Variants in TTC7B observed in about 807,000 individuals in gnomAD.
TTC7B encodes tetratricopeptide repeat domain 7B.
Under a neutral mutation model 106.8 loss-of-function variants are expected in TTC7B, and 28 were observed. The ratio of observed to expected loss-of-function variants is 0.26; its 90% CI spans 0.19 to 0.36. TTC7B has a LOEUF of 0.36. TTC7B is among the 10% of genes least tolerant of loss of function. The pLI is 1.00. For synonymous variants in TTC7B, 405 were observed against 430.6 expected (o/e 0.94, Z 0.74); for missense variants, 862 against 1,076.4 (o/e 0.80, Z 2.79).
chr14:90,735,601 G>A (rs1427515564), intron 4 of TTC7B, among the ~76,000 whole-genome samples: 1 of 152,100 alleles, frequency 6.6e-6, no homozygotes, highest in Non-Finnish European at 1.5e-5. Context: ...GCTCACGCCT[G>A]TAATCTCAGC....
intron 16 of TTC7B, among the ~76,000 whole-genome samples, chr14:90,613,977 C>T (rs538179031): frequency 5.9e-5 from 9 of 152,334 alleles, no homozygotes; most frequent in East Asian, 1.9e-4. Flanking sequence ...AGGTTAAACA[C>T]GAGAGGCTTG....
intron 3 of TTC7B, among the ~76,000 whole-genome samples, chr14:90,776,756 T>C (rs1891043267): frequency 6.6e-6 from 1 of 152,282 alleles, no homozygotes; most frequent in Non-Finnish European, 1.5e-5. Flanking sequence ...GGTGTCAGAC[T>C]GAGACCCCAT....
intron 3 of TTC7B, among the ~76,000 whole-genome samples, chr14:90,755,404 C>G (rs1443139039): frequency 1.3e-5 from 2 of 152,156 alleles, no homozygotes; most frequent in Non-Finnish European, 2.9e-5. Flanking sequence ...CCCTAGTGTT[C>G]TGGGAGGTCA....
intron 5 of TTC7B, among the ~76,000 whole-genome samples, chr14:90,714,457 AT>A (rs36072608): frequency 0.23 from 29,458 of 129,174 alleles, 3,071 homozygotes; most frequent in Middle Eastern, 0.28. Flanking sequence ...AGCTGTATAA[AT>A]TTTTTTTTTT....
chr14:90,600,642 C>A lies in TTC7B; in HGVS notation c.1967-7016G>T, dbSNP rs912222574. Among the ~76,000 whole-genome samples, 1 of 152,178 alleles carries A rather than the reference C, an allele frequency of 6.6e-6. No homozygotes were observed. Among genetic ancestry groups the A allele is most frequent in the Admixed American group, 6.5e-5 (1 of 15,286 alleles). The stretch of plus-strand genomic sequence containing the variant: ...GGGAAGCTCTTTCCAGGGAAGGACC[C>A]CAGTAAGGCAGGGAGGGCCGGGGAC... On this transcript the variant is annotated intron_variant, in intron 17 of 19. Coordinates refer to ENST00000328459, the MANE Select transcript of TTC7B (RefSeq NM_001010854.2). The surrounding 1 kb of genome is among the most constrained non-coding windows in gnomAD (Gnocchi z 4.3).
intron 16 of TTC7B, 116 bp downstream of exon 16, chr14:90,617,813 C>A: frequency 2.7e-6 from 2 of 752,378 alleles, no homozygotes; most frequent in Non-Finnish European, 4.6e-6. Context: ...CTTGTGGGGG[C>A]CTGGAGGTGC....
At position 90,810,497 on chromosome 14, in the gene TTC7B, C is replaced by A. The variant is rs2030839919; in HGVS notation, c.121+5678G>T. Among the ~76,000 whole-genome samples the A allele has an allele frequency of 2.0e-5, 3 of 152,190 alleles. No homozygotes were observed. The South Asian group carries it at 6.2e-4, about 32-fold the overall frequency. On this transcript the variant is annotated intron_variant, in intron 1 of 19. Transcript: ENST00000328459. ...GTTGGTGGCTTTAAGGAAGACATCT[C>A]CCTCTCTGGCACTGTTTTGTCATCT...
At chr14:90,689,467 C>A (rs1247363179) in intron 7 of TTC7B, 73 bp downstream of exon 7, 7 of 1,347,732 alleles carry the variant, frequency 5.2e-6, no homozygotes, top group African/African-American at 1.5e-5. Context: ...TCTTGTACTT[C>A]TCATCATCCT....
intron 12 of TTC7B, among the ~76,000 whole-genome samples, chr14:90,654,135 G>A (rs937523455): frequency 2.6e-4 from 40 of 152,128 alleles, no homozygotes; most frequent in Non-Finnish European, 8.8e-5. Context: ...TATTACAAAA[G>A]CCAGGATAGT....
At chr14:90,743,030 A>G (rs1447716902) in intron 4 of TTC7B, among the ~76,000 whole-genome samples, 3 of 152,382 alleles carry the variant, frequency 2.0e-5, no homozygotes, top group South Asian at 2.1e-4. Flanking sequence ...CGGTCCATCA[A>G]GGAGGCAGAC....
At chr14:90,693,006 T>A (rs1887534454) in intron 6 of TTC7B, among the ~76,000 whole-genome samples, 3 of 152,186 alleles carry the variant, frequency 2.0e-5, no homozygotes, top group Admixed American at 6.5e-5. Context: ...CCCCATGAGT[T>A]GTACGTCCAC....
At chr14:90,804,295 G>C (rs569967893) in intron 1 of TTC7B, among the ~76,000 whole-genome samples, 121 of 151,558 alleles carry the variant, frequency 8.0e-4, no homozygotes, top group African/African-American at 2.9e-3. Context: ...GATCACCACT[G>C]CACTCCAGCC....
At chr14:90,747,344 T>G (rs1455717569) in intron 3 of TTC7B, among the ~76,000 whole-genome samples, 6 of 152,236 alleles carry the variant, frequency 3.9e-5, no homozygotes. Flanking sequence ...TCCTGAATTC[T>G]GCCCTATGTG....
chr14:90,652,488 T>A (rs61562827), intron 13 of TTC7B, among the ~76,000 whole-genome samples: 23,429 of 143,444 alleles, frequency 0.16, 1,999 homozygotes, highest in Admixed American at 0.22. Flanking sequence ...ATGTTTTTTT[T>A]AAAAAAAAAA....
At chr14:90,611,965 T>G (rs1390087975) in intron 16 of TTC7B, among the ~76,000 whole-genome samples, 3 of 152,228 alleles carry the variant, frequency 2.0e-5, no homozygotes, top group Admixed American at 1.3e-4. Context: ...AGTGATTTTT[T>G]GTTGTGAAGA....
rs780991137 is a variant in TTC7B at position 90,610,748 on chromosome 14, C to T, written c.1960G>A (p.Glu654Lys). The change falls in exon 17 of 20, where the codon GAG (glutamate) becomes AAG (lysine). Residue 654 changes from glutamate to lysine, a missense_variant. Coordinates refer to ENST00000328459, the MANE Select transcript of TTC7B (RefSeq NM_001010854.2). ...TITLPDFSDP[E>K]TGSVHATSVA... Reference sequence around the variant, plus strand: ...TCTGGCTTTTTATTCTCACCTGTCTCGGGATCGCTGAAGTCTGGCAAAGTA... The same window carrying T: ...TCTGGCTTTTTATTCTCACCTGTCTTGGGATCGCTGAAGTCTGGCAAAGTA... 5.0e-6 allele frequency: 8 copies of T among 1,612,226 alleles called. No homozygotes were observed. The highest frequency in any genetic ancestry group is 1.7e-4 in the Middle Eastern group (1 of 6,060).
chr14:90,638,455 A>C (rs1253113572), intron 15 of TTC7B, among the ~76,000 whole-genome samples: 1 of 152,212 alleles, frequency 6.6e-6, no homozygotes, highest in African/African-American at 2.4e-5. Flanking sequence ...AGTAAATTTG[A>C]TTACAAAAAT....
chr14:90,701,707 T>C (rs1381954873), intron 5 of TTC7B, among the ~76,000 whole-genome samples: 2 of 150,008 alleles, frequency 1.3e-5, no homozygotes, highest in Non-Finnish European at 3.0e-5. Context: ...TATATATATA[T>C]ATACACACAC....
At chr14:90,611,274 C>A (rs1401497059) in intron 16 of TTC7B, among the ~76,000 whole-genome samples, 1 of 152,186 alleles carries the variant, frequency 6.6e-6, no homozygotes, top group Non-Finnish European at 1.5e-5. Context: ...AAAACCCAGG[C>A]TGCACGGAAA....
Sources: allele counts gnomAD v4.1 joint callset (sites outside exome capture counted in the v4.1 genomes callset), GRCh38; gene constraint gnomAD v4.1.1; non-coding constraint Gnocchi (gnomAD v3.1); transcripts MANE v1.5; gene names NCBI Gene and HGNC (gene_info 2026-07-23, HGNC 2026-07-21).